FAM117B: variants seen among roughly 807,000 people sequenced by gnomAD.
FAM117B encodes family with sequence similarity 117 member B.
In FAM117B, 22 loss-of-function variants were observed where a neutral mutation model predicts 52.8. That is an observed-to-expected ratio of 0.42 (90% CI 0.30 to 0.59). The LOEUF is 0.59. Among genes scored for constraint, FAM117B ranks in the 20% least tolerant of loss-of-function variants. The probability of loss-of-function intolerance (pLI) is 0.22; values close to 1 mark genes in which losing one functional copy is unlikely to be tolerated. For missense variants in FAM117B, 678 were observed against 802.6 expected (o/e 0.84, Z 1.88); for synonymous variants, 309 against 324.1 (o/e 0.95, Z 0.50).
At chr2:202,636,939 G>A (rs1452097180) in intron 1 of FAM117B, among the ~76,000 whole-genome samples, 3 of 152,212 alleles carry the variant, frequency 2.0e-5, no homozygotes, top group African/African-American at 7.2e-5. Flanking sequence ...AGTTTCTGTT[G>A]CCCAGGCTGG....
chr2:202,759,245 A>G lies in FAM117B; in HGVS notation c.1343A>G (p.Asn448Ser). ...TCATTTCTTGCAGAGAATGGGAACAATTCTCCTTTGCCCAAATATGCAACC... is the reference window on the plus strand; with the variant it reads ...TCATTTCTTGCAGAGAATGGGAACAGTTCTCCTTTGCCCAAATATGCAACC... ...VDPRDKENGN[N>S]SPLPKYATSP... Residue 448 changes from asparagine to serine, a missense_variant, in exon 7 of 8, where the codon AAT (asparagine) becomes AGT (serine). Transcript: ENST00000392238. 1 of 1,614,126 alleles carries G rather than the reference A, an allele frequency of 6.2e-7. No homozygotes were observed. The highest frequency in any genetic ancestry group is 1.3e-5 in the African/African-American group (1 of 75,046).
rs1358656758 is a variant in FAM117B, at chr2:202,769,397, T to A, written c.*3633T>A. On this transcript the variant is annotated 3_prime_UTR_variant, in exon 8 of 8. Coordinates refer to ENST00000392238, the MANE Select transcript of FAM117B (RefSeq NM_173511.4). Reference sequence around the variant, plus strand: ...GGAATTTTGATGTCTCAAAACCAGATGAGTGGAAGTGCTGAATTTGCAAAA... The same window carrying A: ...GGAATTTTGATGTCTCAAAACCAGAAGAGTGGAAGTGCTGAATTTGCAAAA... 1.3e-5 allele frequency: 2 copies of A among 152,646 alleles called. No homozygotes were observed. Among genetic ancestry groups the A allele is most frequent in the African/African-American group, 4.8e-5 (2 of 41,458 alleles). 9.5% of individuals were successfully genotyped at this position (152,646 alleles called of 1,614,324 possible).
intron 7 of FAM117B, among the ~76,000 whole-genome samples, chr2:202,759,720 G>C (rs1691856203): frequency 6.6e-6 from 1 of 152,062 alleles, no homozygotes; most frequent in South Asian, 2.1e-4. Context: ...ACCACGCCCG[G>C]CTAATTTTTT....
At chr2:202,682,330 A>G (rs1290801987) in intron 1 of FAM117B, among the ~76,000 whole-genome samples, 2 of 152,090 alleles carry the variant, frequency 1.3e-5, no homozygotes, top group Non-Finnish European at 2.9e-5. Flanking sequence ...GGGTGCTGTA[A>G]TGTTTCCCCT....
chr2:202,659,992 T>C (rs1690106173), intron 1 of FAM117B, among the ~76,000 whole-genome samples: 1 of 152,134 alleles, frequency 6.6e-6, no homozygotes, highest in Non-Finnish European at 1.5e-5. Flanking sequence ...TGATCTATTT[T>C]TAGGCTTACT....
chr2:202,761,677 C>A (rs923293408), intron 7 of FAM117B, among the ~76,000 whole-genome samples: 2 of 152,162 alleles, frequency 1.3e-5, no homozygotes, highest in South Asian at 2.1e-4. Flanking sequence ...CAGACACCCA[C>A]AACCATGCCT....
intron 1 of FAM117B, among the ~76,000 whole-genome samples, chr2:202,656,536 G>C (rs1405031331): frequency 6.6e-6 from 1 of 152,042 alleles, no homozygotes; most frequent in African/African-American, 2.4e-5. Context: ...TTCTTGTATT[G>C]ATTTTTAAAT....
At chr2:202,722,262 G>T (rs1270828269) in intron 2 of FAM117B, among the ~76,000 whole-genome samples, 1 of 151,872 alleles carries the variant, frequency 6.6e-6, no homozygotes, top group South Asian at 2.1e-4. Context: ...CACCCGCCTC[G>T]GCCTCCTGGG....
intron 1 of FAM117B, among the ~76,000 whole-genome samples, chr2:202,677,362 A>G (rs915695582): frequency 6.6e-6 from 1 of 152,142 alleles, no homozygotes; most frequent in African/African-American, 2.4e-5. Context: ...CACCGTGCCC[A>G]GCCCCAAAGA....
intron 1 of FAM117B, among the ~76,000 whole-genome samples, chr2:202,655,783 T>G (rs1690047345): frequency 6.6e-6 from 1 of 150,746 alleles, no homozygotes; most frequent in Admixed American, 6.6e-5. Flanking sequence ...TGTGTGTGTG[T>G]GTTGAAGACT....
intron 2 of FAM117B, among the ~76,000 whole-genome samples, chr2:202,715,333 C>A (rs1254912531): frequency 6.6e-5 from 10 of 151,056 alleles, no homozygotes; most frequent in African/African-American, 2.2e-4. Context: ...GACGGGGTGG[C>A]TGCCGGGCGG....
intron 4 of FAM117B, among the ~76,000 whole-genome samples, chr2:202,752,571 CCTTTGT>C (rs1486432493): frequency 1.3e-5 from 2 of 151,990 alleles, no homozygotes; most frequent in African/African-American, 4.8e-5. Context: ...CCTTTGTCTT[CCTTTGT>C]CTTTGTCTGT....
At chr2:202,654,611 T>C (rs1265372807) in intron 1 of FAM117B, among the ~76,000 whole-genome samples, 4 of 152,130 alleles carry the variant, frequency 2.6e-5, no homozygotes, top group African/African-American at 9.7e-5. Flanking sequence ...CACATCTTAC[T>C]GCATTTCAGG....
chr2:202,751,274 G>A (rs919778346), intron 4 of FAM117B, among the ~76,000 whole-genome samples: 7 of 152,102 alleles, frequency 4.6e-5, no homozygotes, highest in African/African-American at 1.4e-4. Context: ...TTATACCTAT[G>A]GAGTGTTAGT....
chr2:202,639,332 G>C (rs1011526694), intron 1 of FAM117B, among the ~76,000 whole-genome samples: 1 of 152,184 alleles, frequency 6.6e-6, no homozygotes, highest in African/African-American at 2.4e-5. Flanking sequence ...TAATTGGCTG[G>C]TGTAGAACTT....
intron 1 of FAM117B, 93 bp downstream of exon 1, chr2:202,635,881 G>C (rs1207866133): frequency 1.6e-6 from 2 of 1,240,034 alleles, no homozygotes; most frequent in African/African-American, 3.2e-5. Context: ...CAGAGCTGCC[G>C]CGGAGCCCGG....
intron 1 of FAM117B, among the ~76,000 whole-genome samples, chr2:202,681,585 T>C (rs1311340840): frequency 1.3e-5 from 2 of 152,220 alleles, no homozygotes; most frequent in Non-Finnish European, 1.5e-5. Context: ...AATTTATCAA[T>C]TGTAAGAGTG....
chr2:202,743,160 C>T (rs1038471374), intron 4 of FAM117B, among the ~76,000 whole-genome samples: 9 of 152,202 alleles, frequency 5.9e-5, no homozygotes, highest in African/African-American at 1.9e-4. Context: ...GCACACCAGG[C>T]CCACTGCCAC....
chr2:202,695,489 C>A lies in FAM117B; in HGVS notation c.602-392C>A, dbSNP rs142726763. The stretch of plus-strand genomic sequence containing the variant: ...CCTGCTAGTCACTTTGGAGCCCTCT[C>A]AATCGTTGGATTGACTGTCATGGTT... On this transcript the variant is annotated intron_variant, in intron 1 of 7. Transcript: ENST00000392238. Among the ~76,000 whole-genome samples the A allele has an allele frequency of 4.3e-3, 660 of 152,258 alleles. 2 individuals carry two copies. The highest frequency in any genetic ancestry group is 0.013 in the South Asian group (64 of 4,822).
Sources: gnomAD v4.1 joint callset for allele counts (sites outside exome capture counted in the v4.1 genomes callset) on GRCh38, gnomAD v4.1.1 for gene constraint, MANE v1.5 for transcripts, NCBI Gene and HGNC (gene_info 2026-07-23, HGNC 2026-07-21) for gene names.